The following RASA2 variants were observed in gnomAD, a reference collection of about 807,000 sequenced individuals.
The protein encoded by RASA2 is ras GTPase-activating protein 2.
Under a neutral mutation model 118.2 loss-of-function variants are expected in RASA2, and 155 were observed. The observed-to-expected ratio is 1.31, with a 90% CI of 1.15 to 1.50. RASA2 has a LOEUF of 1.50. RASA2 is among the 40% of genes most tolerant of loss of function. The pLI is 0.00. For missense variants in RASA2, 1,016 were observed against 1,009.6 expected, an observed-to-expected ratio of 1.01 and a Z score of -0.09; for synonymous variants, 353 against 349.1, an observed-to-expected ratio of 1.01 and a Z score of -0.12.
intron 3 of RASA2, among the ~76,000 whole-genome samples, chr3:141,523,038 C>T (rs2082133631): frequency 6.6e-6 from 1 of 152,226 alleles, no homozygotes; most frequent in South Asian, 2.1e-4. Context: ...CAGAAGGAGC[C>T]TGAGTGTGGA....
At chr3:141,563,757 A>G (rs2082773407) in intron 9 of RASA2, among the ~76,000 whole-genome samples, 1 of 152,214 alleles carries the variant, frequency 6.6e-6, no homozygotes, top group Non-Finnish European at 1.5e-5. Flanking sequence ...GTTTGACCCC[A>G]AAGTTTGTGC....
Position 141,570,908 on chromosome 3 carries a change from TTAGG to T in RASA2, c.864-1_866del. On this transcript the variant is annotated splice_acceptor_variant and splice_polypyrimidine_tract_variant and coding_sequence_variant and intron_variant, in exon 10 of 24. Coordinates refer to ENST00000286364, the MANE Select transcript of RASA2 (RefSeq NM_006506.5). LOFTEE classifies it high-confidence loss of function. The stretch of plus-strand genomic sequence containing the variant: ...ACATGGAATCACTTATATTTTTACT[TTAGG>T]TACTTGCTACAGCCAAGAGACAATG... 1 of 1,600,698 alleles carries T rather than the reference TTAGG, an allele frequency of 6.2e-7. No individual in the cohort carries two copies. Among genetic ancestry groups the T allele is most frequent in the Non-Finnish European group, 8.5e-7 (1 of 1,175,586 alleles).
intron 3 of RASA2, among the ~76,000 whole-genome samples, chr3:141,517,259 G>T (rs1487207746): frequency 1.3e-5 from 2 of 152,144 alleles, no homozygotes; most frequent in African/African-American, 4.8e-5. Context: ...CTTCCTGTCT[G>T]TATTAGTGAC....
chr3:141,504,827 C>A (rs1265471147), intron 1 of RASA2, among the ~76,000 whole-genome samples: 1 of 152,132 alleles, frequency 6.6e-6, no homozygotes, highest in Non-Finnish European at 1.5e-5. Flanking sequence ...CTCTTACTAT[C>A]TCCTCCCTCT....
At chr3:141,568,216 T>C (rs2082853514) in intron 9 of RASA2, among the ~76,000 whole-genome samples, 1 of 152,082 alleles carries the variant, frequency 6.6e-6, no homozygotes, top group Non-Finnish European at 1.5e-5. Context: ...AAGAACAAAC[T>C]GGATCTATGA....
chr3:141,492,900 C>G (rs1257551303), intron 1 of RASA2, among the ~76,000 whole-genome samples: 1 of 152,178 alleles, frequency 6.6e-6, no homozygotes, highest in Non-Finnish European at 1.5e-5. Context: ...TGGGCCTAAG[C>G]TGTGAATCGG....
At position 141,500,223 on chromosome 3, in the gene RASA2, T is replaced by A. The variant is rs141897836; in HGVS notation, c.134-11940T>A. ...TTCAGTAGTTCTTGACAGTCCCCCC[T>A]CCTTTTTTTGTTTTTGTTTCTTCAT... On this transcript the variant is annotated intron_variant, in intron 1 of 23. Transcript: ENST00000286364. 6.5e-3 allele frequency among the ~76,000 whole-genome samples: 983 copies of A among 152,252 alleles called. 3 individuals are homozygous for A. Among genetic ancestry groups the A allele is most frequent in the Non-Finnish European group, 0.01 (707 of 67,984 alleles).
chr3:141,544,081 G>A (rs1368606819), intron 5 of RASA2, among the ~76,000 whole-genome samples: 1 of 151,818 alleles, frequency 6.6e-6, no homozygotes, highest in East Asian at 1.9e-4. Flanking sequence ...TCGCCATATT[G>A]GCCAGGCTGC....
chr3:141,490,812 G>A (rs2081631697), intron 1 of RASA2, among the ~76,000 whole-genome samples: 1 of 152,136 alleles, frequency 6.6e-6, no homozygotes, highest in Admixed American at 6.5e-5. Flanking sequence ...ATGTCTTTGG[G>A]CCTTCATATT....
At chr3:141,605,188 G>A (rs1200051289) in intron 19 of RASA2, among the ~76,000 whole-genome samples, 4 of 152,002 alleles carry the variant, frequency 2.6e-5, no homozygotes, top group Non-Finnish European at 4.4e-5. Flanking sequence ...TTAGTACTTG[G>A]TGGATAACTT....
intron 4 of RASA2, among the ~76,000 whole-genome samples, chr3:141,540,106 A>C (rs959999517): frequency 1.3e-5 from 2 of 152,096 alleles, no homozygotes; most frequent in African/African-American, 4.8e-5. Context: ...GCTGTAACTT[A>C]GTTTTTAGTT....
At chr3:141,595,093 T>C (rs934421837) in intron 19 of RASA2, among the ~76,000 whole-genome samples, 5 of 152,110 alleles carry the variant, frequency 3.3e-5, no homozygotes, top group East Asian at 1.9e-4. Flanking sequence ...TATTATAATA[T>C]CTAGAACAAA....
chr3:141,573,022 G>A (rs2082949033), intron 12 of RASA2, 125 bp from the exon 13 acceptor site: 2 of 821,140 alleles, frequency 2.4e-6, no homozygotes, highest in Non-Finnish European at 1.8e-6. Context: ...TCCCTGCATA[G>A]GACATTTTAC....
rs112892819 is a variant in RASA2, at chr3:141,585,399, A to T, written c.1753-626A>T. On this transcript the variant is annotated intron_variant, in intron 17 of 23. Transcript: ENST00000286364. ...GTACTTCAAATCAAAGACAAGATTT[A>T]AAAACTTTGTATTCAGAATGTTATG... Among the ~76,000 whole-genome samples the T allele has an allele frequency of 1.5e-3, 223 of 152,360 alleles. 4 individuals carry two copies. The highest frequency in any genetic ancestry group is 5.2e-3 in the African/African-American group (215 of 41,582).
intron 1 of RASA2, among the ~76,000 whole-genome samples, chr3:141,494,452 T>G (rs1577633842): frequency 6.6e-6 from 1 of 152,204 alleles, no homozygotes; most frequent in East Asian, 1.9e-4. Context: ...CACTGCAACC[T>G]CCGCCTCCCG....
At chr3:141,510,420 A>G (rs891316820) in intron 1 of RASA2, among the ~76,000 whole-genome samples, 1 of 152,164 alleles carries the variant, frequency 6.6e-6, no homozygotes, top group Non-Finnish European at 1.5e-5. Context: ...TCCTTCAACA[A>G]ATGTTTCTCA....
chr3:141,520,479 G>A (rs905214222), intron 3 of RASA2, among the ~76,000 whole-genome samples: 5 of 152,096 alleles, frequency 3.3e-5, no homozygotes, highest in Admixed American at 3.3e-4. Flanking sequence ...AAGGAACTTG[G>A]ACTTTATTCT....
intron 21 of RASA2, among the ~76,000 whole-genome samples, 153 bp downstream of exon 21, chr3:141,608,850 T>C (rs1461693438): frequency 2.6e-5 from 4 of 152,148 alleles, no homozygotes; most frequent in African/African-American, 9.7e-5. Context: ...AAGAAGTCAA[T>C]CATAAAGGCC....
intron 1 of RASA2, among the ~76,000 whole-genome samples, chr3:141,507,576 AT>A (rs1292995225): frequency 6.6e-6 from 1 of 152,204 alleles, no homozygotes; most frequent in African/African-American, 2.4e-5. Flanking sequence ...GGAAATAGCC[AT>A]TAGCAAGCAG....
Sources: gnomAD v4.1 joint callset for allele counts (sites outside exome capture counted in the v4.1 genomes callset) on GRCh38, gnomAD v4.1.1 for gene constraint, MANE v1.5 for transcripts, NCBI Gene and HGNC (gene_info 2026-07-23, HGNC 2026-07-21) for gene names.